Variants in EDEM2 observed in about 807,000 individuals in gnomAD.
The protein encoded by EDEM2 is ER degradation enhancing alpha-mannosidase like protein 2, also known as ER degradation-enhancing alpha-mannosidase-like protein 2.
EDEM2 carries 39 observed loss-of-function variants against 64.8 expected under a neutral mutation model. That is an observed-to-expected ratio of 0.60 (90% CI 0.47 to 0.79). The LOEUF (loss-of-function observed/expected upper bound fraction) is 0.79, where lower values mean the gene tolerates loss of function less well. Ranked by LOEUF, EDEM2 falls within the 30% of genes least tolerant of loss-of-function variation. The probability of loss-of-function intolerance (pLI) is 0.00; values close to 1 mark genes in which losing one functional copy is unlikely to be tolerated. For missense variants in EDEM2, 609 were observed against 731.3 expected, an observed-to-expected ratio of 0.83 and a Z score of 1.93; for synonymous variants, 296 against 291.5, an observed-to-expected ratio of 1.02 and a Z score of -0.16.
At chr20:35,117,085 T>C (rs6142299) in intron 10 of EDEM2, 93,341 of 152,094 alleles carry the variant, frequency 0.61, 28,835 homozygotes, top group Admixed American at 0.71. Flanking sequence ...GCCACTGCGC[T>C]TGGCCAATTA....
Position 35,146,892 on chromosome 20 carries a change from G to A in EDEM2, c.151C>T (p.Leu51=). The A allele has an allele frequency of 6.2e-7, 1 of 1,614,176 alleles. No homozygotes were observed. Among genetic ancestry groups the A allele is most frequent in the Non-Finnish European group, 8.5e-7 (1 of 1,180,018 alleles). The part of the protein sequence containing the change: ...AMFYHAYDSY[L]ENAFPFDELR... ...TCATCGAAGGGAAAGGCATTCTCCA[G>A]GTAGCTGTCGTAGGCGTGGTAGAAC... Residue 51 remains leucine (L), a synonymous_variant, in exon 2 of 11, where the codon CTG becomes TTG. Coordinates refer to ENST00000374492, the MANE Select transcript of EDEM2 (RefSeq NM_018217.3).
chr20:35,131,621 C>T (rs753103506), intron 7 of EDEM2, 21 bp downstream of exon 7: 47 of 1,610,278 alleles, frequency 2.9e-5, no homozygotes, highest in Non-Finnish European at 3.8e-5. Flanking sequence ...GGGAAAAGCT[C>T]CCTTACTCTG....
intron 7 of EDEM2, 29 bp downstream of exon 7, chr20:35,131,613 G>T (rs760091378): frequency 1.2e-6 from 2 of 1,601,714 alleles, no homozygotes; most frequent in Non-Finnish European, 1.7e-6. Context: ...AAAATGAGGG[G>T]AAAAGCTCCC....
chr20:35,127,000 C>T (rs539536576), intron 7 of EDEM2, among the ~76,000 whole-genome samples: 6 of 152,266 alleles, frequency 3.9e-5, no homozygotes, highest in Non-Finnish European at 8.8e-5. Context: ...ATATTTCTCA[C>T]GTGTTGTGGA....
At chr20:35,120,329 T>C (rs1306782432) in intron 9 of EDEM2, among the ~76,000 whole-genome samples, 1 of 152,130 alleles carries the variant, frequency 6.6e-6, no homozygotes, top group Non-Finnish European at 1.5e-5. Flanking sequence ...TCCTGAAGTG[T>C]TGAGATAACA....
chr20:35,147,326 G>A lies in EDEM2; in HGVS notation c.-68C>T. ...CTGCAACCAGTTCATCCTGGGAGCTGCTGCGGGTTCTTCCGGGAATCCGCG... is the reference window on the plus strand; with the variant it reads ...CTGCAACCAGTTCATCCTGGGAGCTACTGCGGGTTCTTCCGGGAATCCGCG... On this transcript the variant is annotated 5_prime_UTR_variant, in exon 1 of 11. Coordinates refer to ENST00000374492, the MANE Select transcript of EDEM2 (RefSeq NM_018217.3). The A allele has an allele frequency of 7.2e-7, 1 of 1,389,946 alleles. No homozygotes were observed. Among genetic ancestry groups the A allele is most frequent in the Non-Finnish European group, 9.4e-7 (1 of 1,065,276 alleles). The allele number at this position is 1,389,946 out of a possible 1,614,324, so 86.1% of individuals were successfully genotyped here. A position where few individuals can be genotyped will look rare whatever the true frequency, so the allele number is the denominator to read the frequency against.
chr20:35,134,961 A>C lies in EDEM2; in HGVS notation c.491-12T>G. 6.2e-7 allele frequency: 1 copy of C among 1,613,080 alleles called. No individual in the cohort carries two copies. The highest frequency in any genetic ancestry group is 1.1e-5 in the South Asian group (1 of 91,072). On this transcript the variant is annotated splice_polypyrimidine_tract_variant and intron_variant, in intron 5 of 10. Transcript: ENST00000374492. ...GGGGGTCTGAAAGGCTGAACAATCG[A>C]CAAATTATGATCCCGGACAGGAGCA...
Position 35,145,001 on chromosome 20 carries a change from A to T in EDEM2, c.236T>A (p.Ile79Asn). ...DTWGSFSLTL[I>N]DALDTLLILG... ...TACCAGCAAGGTGTCCAGTGCATCA[A>T]TTAGAGTCAGAGAAAAACTGCAAAA... Residue 79 changes from isoleucine to asparagine, a missense_variant, in exon 3 of 11, where the codon ATT becomes AAT. Physicochemically the swap from Ile to Asn is moderately radical, Grantham distance 149 (BLOSUM62 -3). Coordinates refer to ENST00000374492, the MANE Select transcript of EDEM2 (RefSeq NM_018217.3). 1 of 1,614,112 alleles carries T rather than the reference A, an allele frequency of 6.2e-7. No individual in the cohort carries two copies. The highest frequency in any genetic ancestry group is 1.3e-5 in the African/African-American group (1 of 75,060).
At chr20:35,128,691 G>A (rs979296031) in intron 7 of EDEM2, among the ~76,000 whole-genome samples, 3 of 150,518 alleles carry the variant, frequency 2.0e-5, no homozygotes, top group African/African-American at 5.0e-5. Context: ...CCTTCTAGCA[G>A]GATAACATGG....
Position 35,134,951 on chromosome 20 carries a change from T to C in EDEM2, c.491-2A>G. 1 of 1,613,766 alleles carries C rather than the reference T, an allele frequency of 6.2e-7. No individual in the cohort carries two copies. Among genetic ancestry groups the C allele is most frequent in the East Asian group, 2.2e-5 (1 of 44,882 alleles). ...GCATGCCAGTGGGGGTCTGAAAGGC[T>C]GAACAATCGACAAATTATGATCCCG... On this transcript the variant is annotated splice_acceptor_variant, in intron 5 of 10. Transcript: ENST00000374492. LOFTEE classifies it high-confidence loss of function.
chr20:35,141,085 A>G (rs1170220191), intron 4 of EDEM2, among the ~76,000 whole-genome samples: 4 of 128,334 alleles, frequency 3.1e-5, no homozygotes, highest in Non-Finnish European at 6.2e-5. Flanking sequence ...GCACCACTAC[A>G]CTCCCGCCTG....
intron 10 of EDEM2, among the ~76,000 whole-genome samples, chr20:35,116,795 T>G (rs1171863763): frequency 6.7e-6 from 1 of 149,542 alleles, no homozygotes; most frequent in Non-Finnish European, 1.5e-5. Context: ...ATTACCAAGT[T>G]TTTTTTTTTT....
Position 35,137,899 on chromosome 20 carries a change from C to T in EDEM2, c.471G>A (p.Ala157=), listed in dbSNP as rs752118763. 40 of 1,614,040 alleles carry T rather than the reference C, an allele frequency of 2.5e-5. No homozygotes were observed. Among genetic ancestry groups the T allele is most frequent in the South Asian group, 4.4e-5 (4 of 91,084 alleles). The change falls in exon 5 of 11, where the codon GCG becomes GCA. Residue 157 remains alanine (A), a synonymous_variant. Coordinates refer to ENST00000374492, the MANE Select transcript of EDEM2 (RefSeq NM_018217.3). ...SGPLLRMAEE[A]ARKLLPAFQT... ...TCTTACCTGGGAGGAGTTTTCGGGC[C>T]GCCTCCTCAGCCATTCTCAGGAGAG...
In EDEM2 at chr20:35,126,345, C is replaced by G; in HGVS notation, c.875G>C (p.Arg292Pro). Reference protein sequence around the residue: ...EYNKAIRNYTRFDDWYLWVQM... With the variant: ...EYNKAIRNYTPFDDWYLWVQM... Reference sequence around the variant, plus strand: ...AACCCACAGGTACCAGTCATCGAAGCGGGTGTAGTTCCGGATGGCTTTGTT... The same window carrying G: ...AACCCACAGGTACCAGTCATCGAAGGGGGTGTAGTTCCGGATGGCTTTGTT... Residue 292 changes from arginine to proline, a missense_variant, in exon 8 of 11, where the codon CGC becomes CCC. Transcript: ENST00000374492. 1 of 1,613,974 alleles carries G rather than the reference C, an allele frequency of 6.2e-7. No individual in the cohort carries two copies. Among genetic ancestry groups the G allele is most frequent in the Non-Finnish European group, 8.5e-7 (1 of 1,180,012 alleles).
intron 7 of EDEM2, among the ~76,000 whole-genome samples, chr20:35,131,169 T>C (rs1600709359): frequency 2.0e-5 from 3 of 152,264 alleles, no homozygotes; most frequent in South Asian, 4.1e-4. Context: ...CACGCTTCAG[T>C]TGGCTTTTGC....
intron 7 of EDEM2, among the ~76,000 whole-genome samples, chr20:35,131,402 T>C (rs747949210): frequency 1.3e-5 from 2 of 151,998 alleles, no homozygotes; most frequent in Non-Finnish European, 2.9e-5. Flanking sequence ...AATACAAAAA[T>C]TAGCTGGATG....
At chr20:35,134,222 T>A in intron 6 of EDEM2, 1 of 445,328 alleles carries the variant, frequency 2.2e-6, no homozygotes, top group East Asian at 7.0e-5. Context: ...CAAAGTTGAA[T>A]AGATTTCTTT....
At chr20:35,118,799 A>G in intron 9 of EDEM2, 80 bp from the exon 10 acceptor site, 1 of 1,571,420 alleles carries the variant, frequency 6.4e-7, no homozygotes, top group Non-Finnish European at 8.6e-7. Flanking sequence ...GTGAGGGACT[A>G]CTCCCCTCCA....
At chr20:35,134,994 A>G in intron 5 of EDEM2, 45 bp from the exon 6 acceptor site, 1 of 1,594,736 alleles carries the variant, frequency 6.3e-7, no homozygotes, top group Non-Finnish European at 8.6e-7. Flanking sequence ...GCAGGGGGAT[A>G]GGGATAGTTC....
Sources: gnomAD v4.1 joint callset for allele counts (sites outside exome capture counted in the v4.1 genomes callset) on GRCh38, gnomAD v4.1.1 for gene constraint, MANE v1.5 for transcripts, NCBI Gene and HGNC (gene_info 2026-07-23, HGNC 2026-07-21) for gene names.